Variants in CDR2L observed in about 807,000 individuals in gnomAD.
The protein encoded by CDR2L is cerebellar degeneration-related protein 2-like.
Under a neutral mutation model 36.1 loss-of-function variants are expected in CDR2L, and 19 were observed. That is an observed-to-expected ratio of 0.53 (90% confidence interval 0.37 to 0.77). The LOEUF (loss-of-function observed/expected upper bound fraction) is 0.77. CDR2L is among the 30% of genes least tolerant of loss of function. The pLI is 0.00. For missense variants in CDR2L, 575 were observed against 627.2 expected, an observed-to-expected ratio of 0.92 and a Z score of 0.89; for synonymous variants, 285 against 280.4, an observed-to-expected ratio of 1.02 and a Z score of -0.16.
chr17:74,999,325 C>CACACACAAAAAA lies in CDR2L; in HGVS notation c.80-178_80-177insCACACAAAAAAA, dbSNP rs368672422. Among the ~76,000 whole-genome samples the CACACACAAAAAA allele has an allele frequency of 6.6e-5, 10 of 151,094 alleles. No homozygotes were observed. In the East Asian group the frequency reaches 1.8e-3, roughly 27 times the overall value. On this transcript the variant is annotated intron_variant, in intron 1 of 4. Transcript: ENST00000337231. Reference sequence around the variant, plus strand: ...ACACACACACACACACAGACACACACAAAAAGAACATTCCAGGCAGAAATA... The same window carrying CACACACAAAAAA: ...ACACACACACACACACAGACACACACACACACAAAAAAAAAAAGAACATTCCAGGCAGAAATA...
chr17:75,003,672 C>A lies in CDR2L; in HGVS notation c.996C>A (p.Ser332Arg). ...LNAIVAKDPA[S>R]RHAGNLTLHA... ...CCATCGTGGCCAAAGACCCAGCCAG[C>A]CGGCACGCGGGCAACCTCACACTGC... The change falls in exon 5 of 5, where the codon AGC (serine) becomes AGA (arginine). Residue 332 changes from serine to arginine, a missense_variant. Ser to Arg is a moderately radical substitution (Grantham distance 110, BLOSUM62 -1). Transcript: ENST00000337231. 6.9e-7 allele frequency: 1 copy of A among 1,459,522 alleles called. No homozygotes were observed. The highest frequency in any genetic ancestry group is 9.0e-7 in the Non-Finnish European group (1 of 1,105,278). 90.4% of individuals were successfully genotyped at this position (1,459,522 alleles called of 1,614,324 possible).
chr17:74,994,962 G>A (rs1188194663), intron 1 of CDR2L, among the ~76,000 whole-genome samples: 1 of 151,882 alleles, frequency 6.6e-6, no homozygotes, highest in South Asian at 2.1e-4. Context: ...CCAGCTACTC[G>A]GGAGGGTGAG....
chr17:74,994,634 G>A (rs2144859063), intron 1 of CDR2L, among the ~76,000 whole-genome samples: 2 of 151,998 alleles, frequency 1.3e-5, no homozygotes, highest in Middle Eastern at 3.4e-3. Context: ...TTCAGAGATA[G>A]GGTCTTGCTT....
In CDR2L at chr17:75,002,128, C is replaced by A; in HGVS notation, c.406C>A (p.Leu136Met). Reference protein sequence around the residue: ...VEELQAQVEQLRGLEQLRVLR... With the variant: ...VEELQAQVEQMRGLEQLRVLR... ...GGAGCTGCAGGCCCAGGTGGAGCAA[C>A]TGAGAGGCCTGGAACAGCTGCGAGT... Residue 136 changes from leucine (L) to methionine (M), a missense_variant, in exon 4 of 5, where the codon CTG becomes ATG. Coordinates refer to ENST00000337231, the MANE Select transcript of CDR2L (RefSeq NM_014603.3). The surrounding 1 kb of genome is among the most constrained non-coding windows in gnomAD (Gnocchi z 4.1). 2 of 1,603,348 alleles carry A rather than the reference C, an allele frequency of 1.2e-6. No homozygotes were observed. Among genetic ancestry groups the A allele is most frequent in the Non-Finnish European group, 1.7e-6 (2 of 1,175,558 alleles).
At position 74,988,141 on chromosome 17, in the gene CDR2L, G is replaced by A; in HGVS notation, c.79+19G>A. The A allele has an allele frequency of 1.3e-6, 2 of 1,486,406 alleles. No homozygotes were observed. Among genetic ancestry groups the A allele is most frequent in the African/African-American group, 2.9e-5 (2 of 68,718 alleles). 92.1% of individuals were successfully genotyped at this position (1,486,406 alleles called of 1,614,324 possible). A position where few individuals can be genotyped will look rare whatever the true frequency, so the allele number is the denominator to read the frequency against. On this transcript the variant is annotated intron_variant, in intron 1 of 4. Transcript: ENST00000337231. Reference sequence around the variant, plus strand: ...GAGCAGGGTGAGCGCGGGGGCGACCGGGACAGGAAGGCGGGGAGCGCCCGG... The same window carrying A: ...GAGCAGGGTGAGCGCGGGGGCGACCAGGACAGGAAGGCGGGGAGCGCCCGG...
In CDR2L at chr17:75,004,022, A is replaced by C. The variant is rs2039887537; in HGVS notation, c.1346A>C (p.Lys449Thr). The change falls in exon 5 of 5, where the codon AAG (lysine) becomes ACG (threonine). Residue 449 changes from lysine (K) to threonine (T), a missense_variant. By Grantham distance (78) the Lys-to-Thr change is moderately conservative. Coordinates refer to ENST00000337231, the MANE Select transcript of CDR2L (RefSeq NM_014603.3). ...AAAGAGATCTTCTCCAGGATCCAGA[A>C]GACCAAGGCTGACATCAACGCCACC... is the stretch of plus-strand genomic sequence containing the variant. ...LFKEIFSRIQ[K>T]TKADINATKV... is the part of the protein sequence containing the mutation. 1.9e-6 allele frequency: 3 copies of C among 1,611,222 alleles called. No individual in the cohort carries two copies. The highest frequency in any genetic ancestry group is 2.5e-6 in the Non-Finnish European group (3 of 1,178,944).
In CDR2L at chr17:74,987,778, C is replaced by A. The variant is rs925534091; in HGVS notation, c.-266C>A. The stretch of plus-strand genomic sequence containing the variant: ...CCGGATCCTCCTTGCCACTGTCCCA[C>A]CCGCCGTCCCTGCCACTCCACCCTT... On this transcript the variant is annotated 5_prime_UTR_variant, in exon 1 of 5. Coordinates refer to ENST00000337231, the MANE Select transcript of CDR2L (RefSeq NM_014603.3). 2.5e-5 allele frequency: 5 copies of A among 202,742 alleles called. No individual in the cohort carries two copies. The highest frequency in any genetic ancestry group is 4.9e-5 in the Non-Finnish European group (5 of 101,756). 12.6% of individuals were successfully genotyped at this position (202,742 alleles called of 1,614,324 possible). A position where few individuals can be genotyped will look rare whatever the true frequency, so the allele number is the denominator to read the frequency against.
rs775118492 is a variant in CDR2L, at chr17:75,003,912, G to T, written c.1236G>T (p.Lys412Asn). The T allele has an allele frequency of 3.7e-6, 6 of 1,609,978 alleles. No homozygotes were observed. The highest frequency in any genetic ancestry group is 5.1e-6 in the Non-Finnish European group (6 of 1,178,330). Residue 412 changes from lysine to asparagine, a missense_variant, in exon 5 of 5, where the codon AAG becomes AAT. Lys to Asn is a moderately conservative substitution (Grantham distance 94, BLOSUM62 0). Transcript: ENST00000337231. ...RGGEEGQGEV[K>N]AGEKSLSQHV... is the part of the protein sequence containing the mutation. ...GTGAGGAGGGCCAGGGTGAGGTCAA[G>T]GCAGGAGAGAAGAGCCTGAGCCAGC...
intron 1 of CDR2L, among the ~76,000 whole-genome samples, chr17:74,999,288 GCACACACA>G (rs113287746): frequency 6.9e-5 from 10 of 144,872 alleles, no homozygotes; most frequent in East Asian, 2.7e-4. Flanking sequence ...ATTACATCTT[GCACACACA>G]CACACACACA....
chr17:74,993,691 TTTG>T (rs566754512), intron 1 of CDR2L, among the ~76,000 whole-genome samples: 84 of 152,342 alleles, frequency 5.5e-4, no homozygotes, highest in Non-Finnish European at 9.8e-4. Context: ...ATTTGGTTTC[TTTG>T]TTGTTGTTGT....
Position 75,005,189 on chromosome 17 carries a change from C to T in CDR2L, c.*1115C>T, listed in dbSNP as rs1043188688. ...CTCCCTCCCTCCCTCCCATAAAATG[C>T]CTGCTCTTCACCTCCCACCTTTGTG... On this transcript the variant is annotated 3_prime_UTR_variant, in exon 5 of 5. Coordinates refer to ENST00000337231, the MANE Select transcript of CDR2L (RefSeq NM_014603.3). This position sits in a 1 kb window ranked among gnomAD's most constrained non-coding sequence, Gnocchi z 4.2. The T allele has an allele frequency of 1.3e-5, 2 of 152,212 alleles. No individual in the cohort carries two copies. The highest frequency in any genetic ancestry group is 1.9e-4 in the East Asian group (1 of 5,180). 9.4% of individuals were successfully genotyped at this position (152,212 alleles called of 1,614,324 possible).
Position 75,003,975 on chromosome 17 carries a change from G to A in CDR2L, c.1299G>A (p.Gln433=), listed in dbSNP as rs1275536535. ...TGGACAAGCGGCTGGAACAGAGCCA[G>A]CCCGAGTACAAGGCGCTCTTCAAAG... The part of the protein sequence containing the change: ...EAVDKRLEQS[Q]PEYKALFKEI... The change falls in exon 5 of 5, where the codon CAG becomes CAA. Residue 433 remains glutamine (Q), a synonymous_variant. Coordinates refer to ENST00000337231, the MANE Select transcript of CDR2L (RefSeq NM_014603.3). The A allele has an allele frequency of 2.5e-6, 4 of 1,609,764 alleles. No homozygotes were observed. The Admixed American group carries it at 6.7e-5, about 27-fold the overall frequency.
chr17:75,003,387 G>A lies in CDR2L; in HGVS notation c.711G>A (p.Met237Ile). The part of the protein sequence containing the change: ...YSELERQLCE[M>I]EACRLRVQEL... ...AGCTGGAGCGCCAGCTGTGCGAGAT[G>A]GAGGCCTGTCGCCTGCGTGTGCAGG... is the stretch of plus-strand genomic sequence containing the variant. The change falls in exon 5 of 5, where the codon ATG (methionine) becomes ATA (isoleucine). Residue 237 changes from methionine to isoleucine, a missense_variant. Transcript: ENST00000337231. 1 of 1,563,378 alleles carries A rather than the reference G, an allele frequency of 6.4e-7. No homozygotes were observed. The highest frequency in any genetic ancestry group is 1.2e-5 in the South Asian group (1 of 84,780).
chr17:74,987,802 T>G lies in CDR2L; in HGVS notation c.-242T>G. 2.3e-5 allele frequency: 5 copies of G among 220,106 alleles called. No homozygotes were observed. Among genetic ancestry groups the G allele is most frequent in the Non-Finnish European group, 2.7e-5 (3 of 113,122 alleles). The allele number at this position is 220,106 out of a possible 1,614,324, so 13.6% of individuals were successfully genotyped here. On this transcript the variant is annotated 5_prime_UTR_variant, in exon 1 of 5. Coordinates refer to ENST00000337231, the MANE Select transcript of CDR2L (RefSeq NM_014603.3). The stretch of plus-strand genomic sequence containing the variant: ...ACCCGCCGTCCCTGCCACTCCACCC[T>G]TTGTGTCGCCGCAGCCCGGTGCCCC...
At chr17:74,997,702 T>C (rs1477551975) in intron 1 of CDR2L, among the ~76,000 whole-genome samples, 2 of 151,116 alleles carry the variant, frequency 1.3e-5, no homozygotes, top group Non-Finnish European at 2.9e-5. Context: ...GCCTGGGCAA[T>C]ATAACAAGAC....
In CDR2L at chr17:74,989,263, C is replaced by T. The variant is rs2039781424; in HGVS notation, c.79+1141C>T. 1.3e-5 allele frequency among the ~76,000 whole-genome samples: 2 copies of T among 152,196 alleles called. No individual in the cohort carries two copies. The highest frequency in any genetic ancestry group is 1.3e-4 in the Admixed American group (2 of 15,280). ...GGCCAAGACTGGCTGGCAGATGAGG[C>T]TCTGTCCTTGTGCTGAGGACAAGGG... On this transcript the variant is annotated intron_variant, in intron 1 of 4. Coordinates refer to ENST00000337231, the MANE Select transcript of CDR2L (RefSeq NM_014603.3). The surrounding 1 kb of genome is among the most constrained non-coding windows in gnomAD (Gnocchi z 4.2).
chr17:74,987,804 T>G lies in CDR2L; in HGVS notation c.-240T>G. On this transcript the variant is annotated 5_prime_UTR_variant, in exon 1 of 5. Transcript: ENST00000337231. ...CCGCCGTCCCTGCCACTCCACCCTT[T>G]GTGTCGCCGCAGCCCGGTGCCCCCG... 2 of 222,684 alleles carry G rather than the reference T, an allele frequency of 9.0e-6. No homozygotes were observed. The highest frequency in any genetic ancestry group is 1.7e-5 in the Non-Finnish European group (2 of 114,782). The allele number at this position is 222,684 out of a possible 1,614,324, so 13.8% of individuals were successfully genotyped here.
chr17:74,995,921 T>C (rs747162605), intron 1 of CDR2L, among the ~76,000 whole-genome samples: 15 of 152,094 alleles, frequency 9.9e-5, no homozygotes, highest in Non-Finnish European at 2.2e-4. Context: ...AGCCTCAGCC[T>C]GCTCTAACGA....
At chr17:74,993,177 G>A (rs1173779785) in intron 1 of CDR2L, among the ~76,000 whole-genome samples, 1 of 152,174 alleles carries the variant, frequency 6.6e-6, no homozygotes, top group Non-Finnish European at 1.5e-5. Context: ...TGGAAAACAG[G>A]AAGATAGCAT....
Sources: gnomAD v4.1 joint callset for allele counts (sites outside exome capture counted in the v4.1 genomes callset) on GRCh38, gnomAD v4.1.1 for gene constraint, Gnocchi (gnomAD v3.1) non-coding constraint, MANE v1.5 for transcripts, NCBI Gene and HGNC (gene_info 2026-07-23, HGNC 2026-07-21) for gene names.